The following MMD variants were observed in gnomAD, a reference collection of about 807,000 sequenced individuals.
The protein encoded by MMD is monocyte to macrophage differentiation factor.
A neutral mutation model predicts 33.6 loss-of-function variants in MMD; 22 were observed. That is an observed-to-expected ratio of 0.66 (90% CI 0.47 to 0.94). The LOEUF (loss-of-function observed/expected upper bound fraction) is 0.94. Among genes scored for constraint, MMD ranks in the 40% least tolerant of loss-of-function variants. The pLI is 0.00. For synonymous variants in MMD, 97 were observed against 103.2 expected (o/e 0.94, Z 0.36); for missense variants, 242 against 309.8 (o/e 0.78, Z 1.64).
At chr17:55,403,965 A>G in intron 4 of MMD, 97 bp from the exon 5 acceptor site, 3 of 989,492 alleles carry the variant, frequency 3.0e-6, no homozygotes, top group African/African-American at 3.3e-5. Flanking sequence ...TTAGGATAAG[A>G]GCAGGAAGAA....
chr17:55,411,169 C>T (rs1171344990), intron 3 of MMD, 88 bp downstream of exon 3: 5 of 1,436,038 alleles, frequency 3.5e-6, no homozygotes, highest in Non-Finnish European at 4.7e-6. Context: ...CTTTGCCCTA[C>T]TTGACTAAAG....
intron 1 of MMD, among the ~76,000 whole-genome samples, chr17:55,414,633 A>C (rs1907902137): frequency 6.6e-6 from 1 of 151,598 alleles, no homozygotes; most frequent in South Asian, 2.1e-4. Context: ...AATTTTTCTA[A>C]ATTTTATTGT....
chr17:55,397,665 C>T (rs568230734), intron 6 of MMD, among the ~76,000 whole-genome samples: 6 of 151,982 alleles, frequency 3.9e-5, no homozygotes, highest in Admixed American at 1.3e-4. Flanking sequence ...CTCAGCCTCT[C>T]GAGTAGCTGG....
intron 3 of MMD, among the ~76,000 whole-genome samples, chr17:55,410,967 C>G (rs564176168): frequency 1.3e-5 from 2 of 152,266 alleles, no homozygotes; most frequent in African/African-American, 4.8e-5. Context: ...CTTGATAGTA[C>G]TGGAAAATAG....
intron 1 of MMD, among the ~76,000 whole-genome samples, chr17:55,417,630 A>T (rs1197902421): frequency 6.6e-6 from 1 of 152,020 alleles, no homozygotes; most frequent in Non-Finnish European, 1.5e-5. Context: ...ATCTCTACAC[A>T]CAAAAAAAAA....
At chr17:55,421,383 G>C (rs1202672029) in intron 1 of MMD, among the ~76,000 whole-genome samples, 1 of 152,142 alleles carries the variant, frequency 6.6e-6, no homozygotes, top group African/African-American at 2.4e-5. Context: ...AGGAGCAAAG[G>C]GATCCCCGGG....
chr17:55,392,994 A>ATT lies in MMD; in HGVS notation c.*1338_*1339dup, dbSNP rs1906972873. 6.6e-6 allele frequency: 1 copy of ATT among 152,216 alleles called. No individual in the cohort carries two copies. The highest frequency in any genetic ancestry group is 1.5e-5 in the Non-Finnish European group (1 of 68,042). The allele number at this position is 152,216 out of a possible 1,614,324, so 9.4% of individuals were successfully genotyped here. A position where few individuals can be genotyped will look rare whatever the true frequency, so the allele number is the denominator to read the frequency against. Reference sequence around the variant, plus strand: ...CATCAAACCAAGAATTCCACTGATCATTTGATCAGCCCATTACTAGGAAAC... The same window carrying ATT: ...CATCAAACCAAGAATTCCACTGATCATTTTTGATCAGCCCATTACTAGGAAAC... On this transcript the variant is annotated 3_prime_UTR_variant, in exon 7 of 7. Transcript: ENST00000262065.
chr17:55,393,655 T>C lies in MMD; in HGVS notation c.*679A>G, dbSNP rs1172255476. 1.3e-5 allele frequency: 2 copies of C among 152,562 alleles called. No homozygotes were observed. Among genetic ancestry groups the C allele is most frequent in the Non-Finnish European group, 2.9e-5 (2 of 68,022 alleles). 9.5% of individuals were successfully genotyped at this position (152,562 alleles called of 1,614,324 possible). The stretch of plus-strand genomic sequence containing the variant: ...GCAGCACTGAATTCAGAGTAAGAGG[T>C]TGGCAGAAAAGTTTGGAAAACTGCA... On this transcript the variant is annotated 3_prime_UTR_variant, in exon 7 of 7. Coordinates refer to ENST00000262065, the MANE Select transcript of MMD (RefSeq NM_012329.3).
rs561146885 is a variant in MMD, at chr17:55,393,036, C to T, written c.*1298G>A. On this transcript the variant is annotated 3_prime_UTR_variant, in exon 7 of 7. Transcript: ENST00000262065. ...CTAGGAAACAGGCAATATCAGCACC[C>T]GATCTAAAGGCAAGCCTATTTCATT... 1 of 152,092 alleles carries T rather than the reference C, an allele frequency of 6.6e-6. No homozygotes were observed. The highest frequency in any genetic ancestry group is 2.4e-5 in the African/African-American group (1 of 41,510). 9.4% of individuals were successfully genotyped at this position (152,092 alleles called of 1,614,324 possible).
intron 1 of MMD, chr17:55,420,143 T>C (rs1318503980): frequency 2.0e-5 from 3 of 152,222 alleles, no homozygotes; most frequent in Non-Finnish European, 4.4e-5. Flanking sequence ...GACAAACTCT[T>C]AATCAAACAA....
chr17:55,395,737 C>T (rs564827710), intron 6 of MMD, among the ~76,000 whole-genome samples: 29 of 152,328 alleles, frequency 1.9e-4, no homozygotes, highest in African/African-American at 6.7e-4. Context: ...TAAGAAAGGA[C>T]TTCAGCTAGA....
At chr17:55,410,948 C>G (rs1306167920) in intron 3 of MMD, among the ~76,000 whole-genome samples, 1 of 152,176 alleles carries the variant, frequency 6.6e-6, no homozygotes, top group Non-Finnish European at 1.5e-5. Context: ...TCATCATATC[C>G]TTAGTGTGCT....
chr17:55,397,367 G>A (rs1207328185), intron 6 of MMD, among the ~76,000 whole-genome samples: 1 of 151,984 alleles, frequency 6.6e-6, no homozygotes, highest in African/African-American at 2.4e-5. Context: ...TGCCATGTCG[G>A]CTAGGCTGGT....
intron 6 of MMD, among the ~76,000 whole-genome samples, chr17:55,400,787 GACAC>G (rs1205250483): frequency 6.6e-6 from 1 of 152,042 alleles, no homozygotes; most frequent in African/African-American, 2.4e-5. Flanking sequence ...CAAAAAGACA[GACAC>G]ACACAGACTT....
In MMD at chr17:55,401,545, G is replaced by A. The variant is rs1033244905; in HGVS notation, c.447-7C>T. 6 of 1,599,416 alleles carry A rather than the reference G, an allele frequency of 3.8e-6. No individual in the cohort carries two copies. Among genetic ancestry groups the A allele is most frequent in the South Asian group, 1.1e-5 (1 of 88,188 alleles). On this transcript the variant is annotated splice_polypyrimidine_tract_variant and splice_region_variant and intron_variant, in intron 5 of 6. Transcript: ENST00000262065. The stretch of plus-strand genomic sequence containing the variant: ...GAGTTCAACCACCTTATATCTGCAG[G>A]AACAAAAATGCAGTTAATTTAACTT...
At chr17:55,396,391 A>C (rs534997480) in intron 6 of MMD, among the ~76,000 whole-genome samples, 32 of 152,108 alleles carry the variant, frequency 2.1e-4, no homozygotes, top group Non-Finnish European at 3.8e-4. Flanking sequence ...TTGTGATGTA[A>C]TTGTTATTAT....
Position 55,411,777 on chromosome 17 carries a change from A to G in MMD, c.109-360T>C, listed in dbSNP as rs1325201044. Among the ~76,000 whole-genome samples the G allele has an allele frequency of 2.6e-5, 4 of 152,134 alleles. No homozygotes were observed. In the East Asian group the frequency reaches 7.7e-4, roughly 29 times the overall value. ...ATCTGATTTAGAGTAATTACTTAAA[A>G]TATTCAAATGCCAAGCAGGCAGGGT... On this transcript the variant is annotated intron_variant, in intron 2 of 6. Coordinates refer to ENST00000262065, the MANE Select transcript of MMD (RefSeq NM_012329.3).
chr17:55,421,183 C>G (rs981907606), intron 1 of MMD, among the ~76,000 whole-genome samples: 1 of 152,232 alleles, frequency 6.6e-6, no homozygotes, highest in Non-Finnish European at 1.5e-5. Context: ...GCCTAGCACC[C>G]CGCTTTACGA....
intron 2 of MMD, among the ~76,000 whole-genome samples, chr17:55,413,856 T>G (rs1907858159): frequency 6.6e-6 from 1 of 152,232 alleles, no homozygotes; most frequent in Non-Finnish European, 1.5e-5. Context: ...ACAGTCTTCA[T>G]AAATAGGTGT....
Sources: gnomAD v4.1 joint callset for allele counts (sites outside exome capture counted in the v4.1 genomes callset) on GRCh38, gnomAD v4.1.1 for gene constraint, MANE v1.5 for transcripts, NCBI Gene and HGNC (gene_info 2026-07-23, HGNC 2026-07-21) for gene names.